Variants in SNTG1 observed in about 807,000 individuals in gnomAD.
SNTG1 encodes syntrophin gamma 1.
Under a neutral mutation model 74.7 loss-of-function variants are expected in SNTG1, and 39 were observed. The observed-to-expected ratio is 0.52, with a 90% CI of 0.40 to 0.68. The LOEUF (loss-of-function observed/expected upper bound fraction) is 0.68. SNTG1 is among the 30% of genes least tolerant of loss of function. SNTG1 has a pLI of 0.00. For missense variants in SNTG1, 685 were observed against 609.5 expected (o/e 1.12, Z -1.30); for synonymous variants, 254 against 217.1 (o/e 1.17, Z -1.49).
chr8:50,253,423 T>TAAAC lies in SNTG1; in HGVS notation c.-28+80791_-28+80792insCAAA, dbSNP rs1332679376. On this transcript the variant is annotated intron_variant, in intron 2 of 18. Transcript: ENST00000642720. ...GTGCAACAAGAGTAAAACTCCGTCTTAAATAAATAAATAAATAAATAAAAA... is the reference window on the plus strand; with the variant it reads ...GTGCAACAAGAGTAAAACTCCGTCTTAAACAAATAAATAAATAAATAAATAAAAA... Among the ~76,000 whole-genome samples the TAAAC allele has an allele frequency of 6.3e-4, 3 of 4,784 alleles. No individual in the cohort carries two copies. In the East Asian group the frequency reaches 0.21, roughly 342 times the overall value. 3.1% of individuals were successfully genotyped at this position (4,784 alleles called of 152,430 possible).
intron 2 of SNTG1, among the ~76,000 whole-genome samples, chr8:50,275,662 C>G (rs972806447): frequency 6.6e-6 from 1 of 152,144 alleles, no homozygotes; most frequent in African/African-American, 2.4e-5. Context: ...GCTCCTACCC[C>G]ACCTAAGTCC....
chr8:50,784,954 C>T (rs141639989), intron 18 of SNTG1, among the ~76,000 whole-genome samples: 3 of 151,378 alleles, frequency 2.0e-5, no homozygotes, highest in Non-Finnish European at 3.0e-5. Flanking sequence ...ACTAAATAAC[C>T]AATGGGTCAA....
At chr8:50,039,970 T>A (rs1818497313) in intron 1 of SNTG1, among the ~76,000 whole-genome samples, 1 of 152,112 alleles carries the variant, frequency 6.6e-6, no homozygotes, top group African/African-American at 2.4e-5. Context: ...TCTGTGTGCC[T>A]TCGAGGAAGG....
intron 17 of SNTG1, among the ~76,000 whole-genome samples, chr8:50,711,768 A>C (rs2095462313): frequency 6.6e-6 from 1 of 152,190 alleles, no homozygotes; most frequent in Non-Finnish European, 1.5e-5. Flanking sequence ...CATTAGTAGC[A>C]TATCAAGAGG....
At chr8:50,237,830 AG>A (rs1322665859) in intron 2 of SNTG1, among the ~76,000 whole-genome samples, 1 of 152,130 alleles carries the variant, frequency 6.6e-6, no homozygotes, top group Non-Finnish European at 1.5e-5. Flanking sequence ...AGAGATTTTA[AG>A]GGTTATACAT....
chr8:50,242,822 GTAAA>G (rs2086226092), intron 2 of SNTG1, among the ~76,000 whole-genome samples: 1 of 150,762 alleles, frequency 6.6e-6, no homozygotes, highest in African/African-American at 2.4e-5. Flanking sequence ...ATATAAGCAT[GTAAA>G]TAAACATAGA....
chr8:50,532,497 CTT>C (rs1308679887), intron 10 of SNTG1, among the ~76,000 whole-genome samples: 1 of 152,190 alleles, frequency 6.6e-6, no homozygotes, highest in African/African-American at 2.4e-5. Context: ...GTTGTAGAGA[CTT>C]TGACCATCTG....
intron 13 of SNTG1, among the ~76,000 whole-genome samples, chr8:50,602,654 G>A (rs1006261760): frequency 7.9e-5 from 12 of 151,928 alleles, no homozygotes; most frequent in African/African-American, 1.9e-4. Context: ...CTTTCATGTC[G>A]ACAAACTGCT....
intron 1 of SNTG1, among the ~76,000 whole-genome samples, chr8:49,971,135 A>G (rs1811628011): frequency 6.6e-6 from 1 of 152,148 alleles, no homozygotes; most frequent in Non-Finnish European, 1.5e-5. Flanking sequence ...ATACTGGCAA[A>G]CTGAATCCAG....
intron 8 of SNTG1, among the ~76,000 whole-genome samples, chr8:50,469,061 T>C (rs1174787163): frequency 6.6e-6 from 1 of 152,200 alleles, no homozygotes; most frequent in East Asian, 1.9e-4. Context: ...GTTTATTTAC[T>C]TGCGTTTATT....
chr8:50,095,828 T>C (rs2079905866), intron 1 of SNTG1, among the ~76,000 whole-genome samples: 1 of 152,226 alleles, frequency 6.6e-6, no homozygotes, highest in Non-Finnish European at 1.5e-5. Context: ...CAGTTTTTCT[T>C]TACTGGTGCT....
intron 1 of SNTG1, among the ~76,000 whole-genome samples, chr8:50,156,133 C>A (rs2131569933): frequency 6.6e-6 from 1 of 152,196 alleles, no homozygotes; most frequent in African/African-American, 2.4e-5. Flanking sequence ...AAGACTTCAT[C>A]CTTTGCCCCT....
chr8:50,576,781 A>G (rs1414628936), intron 12 of SNTG1, among the ~76,000 whole-genome samples: 1 of 152,102 alleles, frequency 6.6e-6, no homozygotes, highest in African/African-American at 2.4e-5. Flanking sequence ...TTACATAGAA[A>G]TGCAATTTAT....
chr8:50,685,561 AC>A (rs147471633), intron 15 of SNTG1, among the ~76,000 whole-genome samples: 173 of 152,290 alleles, frequency 1.1e-3, no homozygotes, highest in African/African-American at 4.0e-3. Context: ...GTCTTTTCAA[AC>A]CTTAATTTTT....
intron 2 of SNTG1, among the ~76,000 whole-genome samples, chr8:50,200,708 C>A (rs946669901): frequency 5.3e-5 from 8 of 151,910 alleles, no homozygotes; most frequent in African/African-American, 1.7e-4. Flanking sequence ...ACTAGAAAGG[C>A]AATTTCAGAA....
chr8:50,794,022 A>G lies in SNTG1; in HGVS notation c.*1193A>G, dbSNP rs1288245930. 1 of 151,820 alleles carries G rather than the reference A, an allele frequency of 6.6e-6. No homozygotes were observed. Among genetic ancestry groups the G allele is most frequent in the Non-Finnish European group, 1.5e-5 (1 of 67,876 alleles). 9.4% of individuals were successfully genotyped at this position (151,820 alleles called of 1,614,324 possible). On this transcript the variant is annotated 3_prime_UTR_variant, in exon 19 of 19. Coordinates refer to ENST00000642720, the MANE Select transcript of SNTG1 (RefSeq NM_018967.5). ...CCTTAGAGGTGTGCAATTTACTCAG[A>G]TTCCAGGTATTATTCAACTAGTTGT...
chr8:50,770,280 A>G (rs553450459), intron 18 of SNTG1, among the ~76,000 whole-genome samples: 3 of 152,260 alleles, frequency 2.0e-5, no homozygotes, highest in South Asian at 2.1e-4. Context: ...ATTCATAATT[A>G]TCAGAATCAA....
intron 11 of SNTG1, among the ~76,000 whole-genome samples, chr8:50,540,567 G>T (rs1317653845): frequency 6.6e-6 from 1 of 151,994 alleles, no homozygotes; most frequent in Non-Finnish European, 1.5e-5. Context: ...TCTGTTTATT[G>T]TATTAGGTTT....
intron 2 of SNTG1, among the ~76,000 whole-genome samples, chr8:50,274,429 TAA>T (rs35574927): frequency 0.47 from 71,166 of 151,704 alleles, 19,229 homozygotes; most frequent in East Asian, 0.83. Flanking sequence ...TAATTACTTA[TAA>T]GAGTATTTTT....
Sources: allele counts gnomAD v4.1 joint callset (sites outside exome capture counted in the v4.1 genomes callset), GRCh38; gene constraint gnomAD v4.1.1; transcripts MANE v1.5; gene names NCBI Gene and HGNC (gene_info 2026-07-23, HGNC 2026-07-21).